Variants in TUT4 observed in about 807,000 individuals in gnomAD.
TUT4 encodes the protein terminal uridylyltransferase 4.
A neutral mutation model predicts 192.2 loss-of-function variants in TUT4; 36 were observed. The observed-to-expected ratio is 0.19, with a 90% CI of 0.14 to 0.25. The LOEUF (loss-of-function observed/expected upper bound fraction) is 0.25. Ranked by LOEUF, TUT4 falls within the 10% of genes least tolerant of loss-of-function variation. TUT4 has a pLI of 1.00. For synonymous variants in TUT4, 618 were observed against 666.0 expected (o/e 0.93, Z 1.11); for missense variants, 1,493 against 1,957.2 (o/e 0.76, Z 4.47).
At chr1:52,447,451 CAAAAAA>C (rs1253257001) in intron 20 of TUT4, among the ~76,000 whole-genome samples, 3 of 100,438 alleles carry the variant, frequency 3.0e-5, no homozygotes, top group African/African-American at 7.7e-5. Flanking sequence ...TCCATCTCAC[CAAAAAA>C]AAACAAAAAA....
intron 9 of TUT4, among the ~76,000 whole-genome samples, chr1:52,483,586 G>GA (rs1474177331): frequency 2.0e-5 from 3 of 152,052 alleles, no homozygotes; most frequent in Non-Finnish European, 4.4e-5. Flanking sequence ...AGAGTGGGTG[G>GA]ATGACTTAAG....
intron 24 of TUT4, among the ~76,000 whole-genome samples, chr1:52,442,899 T>C (rs1029317057): frequency 7.2e-5 from 11 of 152,204 alleles, no homozygotes; most frequent in Non-Finnish European, 2.9e-5. Context: ...AATTATAATA[T>C]ATTGCATTAT....
intron 20 of TUT4, among the ~76,000 whole-genome samples, chr1:52,455,445 T>C (rs1366038870): frequency 6.6e-6 from 1 of 151,204 alleles, no homozygotes; most frequent in Non-Finnish European, 1.5e-5. Flanking sequence ...CCATCTCTAC[T>C]AAATATATAA....
Position 52,449,966 on chromosome 1 carries a change from T to TA in TUT4, c.3436-3300dup, listed in dbSNP as rs1233210042. Reference sequence around the variant, plus strand: ...TTGCAAATTTTAAGCTGATATGGGTTAAAAAAATTTTTCATAAAATCATGT... The same window carrying TA: ...TTGCAAATTTTAAGCTGATATGGGTTAAAAAAAATTTTTCATAAAATCATGT... On this transcript the variant is annotated intron_variant, in intron 20 of 29. Coordinates refer to ENST00000257177, the MANE Select transcript of TUT4 (RefSeq NM_001009881.3). Among the ~76,000 whole-genome samples the TA allele has an allele frequency of 4.6e-5, 7 of 152,302 alleles. No homozygotes were observed. In the East Asian group the frequency reaches 7.7e-4, roughly 17 times the overall value.
rs748651187 is a variant in TUT4, at chr1:52,461,723, T to C, written c.3116A>G (p.Lys1039Arg). ...EIIENLAKIL[K>R]RHPGLRNILP... Reference sequence around the variant, plus strand: ...TTCAAAATTCATACCTGGATGTCTCTTAAGAATTTTTGCCAAATTTTCAAT... The same window carrying C: ...TTCAAAATTCATACCTGGATGTCTCCTAAGAATTTTTGCCAAATTTTCAAT... The change falls in exon 17 of 30, where the codon AAG (lysine) becomes AGG (arginine). Residue 1039 changes from lysine to arginine, a missense_variant. Physicochemically the swap from Lys to Arg is conservative, Grantham distance 26. Transcript: ENST00000257177. 4 of 1,502,618 alleles carry C rather than the reference T, an allele frequency of 2.7e-6. No individual in the cohort carries two copies. In the South Asian group the frequency reaches 4.9e-5, roughly 19 times the overall value. 93.1% of individuals were successfully genotyped at this position (1,502,618 alleles called of 1,614,324 possible).
intron 11 of TUT4, 30 bp downstream of exon 11, chr1:52,481,393 A>G: frequency 6.2e-7 from 1 of 1,605,906 alleles, no homozygotes. Context: ...ACAGATAGAA[A>G]AGCCAAAAAA....
intron 4 of TUT4, among the ~76,000 whole-genome samples, chr1:52,498,328 GC>G (rs568062596): frequency 8.8e-4 from 127 of 144,824 alleles, no homozygotes; most frequent in East Asian, 4.9e-3. Context: ...TGCAGGCTCC[GC>G]CCCCCCGGGG....
At chr1:52,457,456 G>A (rs373929446) in intron 20 of TUT4, among the ~76,000 whole-genome samples, 2 of 151,740 alleles carry the variant, frequency 1.3e-5, no homozygotes, top group Non-Finnish European at 2.9e-5. Context: ...GGATGGTCTC[G>A]ATCTCTTGAC....
chr1:52,468,149 A>C, intron 15 of TUT4, 32 bp downstream of exon 15: 1 of 1,519,620 alleles, frequency 6.6e-7, no homozygotes, highest in East Asian at 2.3e-5. Flanking sequence ...ACTACAGCAA[A>C]AACGCAATAA....
intron 11 of TUT4, among the ~76,000 whole-genome samples, chr1:52,480,653 A>C (rs1165397609): frequency 2.0e-5 from 3 of 152,214 alleles, no homozygotes; most frequent in Admixed American, 2.0e-4. Context: ...GCAATTTATG[A>C]GGGAATAATT....
chr1:52,427,012 A>G (rs1357857434), intron 28 of TUT4, among the ~76,000 whole-genome samples: 1 of 152,172 alleles, frequency 6.6e-6, no homozygotes, highest in African/African-American at 2.4e-5. Flanking sequence ...TATACAATGA[A>G]TAATATTAAG....
intron 26 of TUT4, among the ~76,000 whole-genome samples, chr1:52,435,877 G>A (rs1393338917): frequency 6.6e-6 from 1 of 151,890 alleles, no homozygotes; most frequent in Admixed American, 6.6e-5. Flanking sequence ...ACCACGCACT[G>A]CAGCCTGGGC....
intron 1 of TUT4, among the ~76,000 whole-genome samples, chr1:52,547,165 A>C (rs1688288246): frequency 6.7e-6 from 1 of 149,446 alleles, no homozygotes; most frequent in Non-Finnish European, 1.5e-5. Context: ...TCAAAAAAAA[A>C]AGTGGGGGCA....
intron 2 of TUT4, among the ~76,000 whole-genome samples, chr1:52,520,670 T>C (rs1679997423): frequency 1.3e-5 from 2 of 152,362 alleles, no homozygotes; most frequent in African/African-American, 2.4e-5. Context: ...TTTGCTCTAA[T>C]GTCACTTTCT....
chr1:52,493,489 T>A, intron 7 of TUT4, 122 bp downstream of exon 7: 2 of 643,216 alleles, frequency 3.1e-6, no homozygotes, highest in Non-Finnish European at 2.7e-6. Context: ...CCATTTGTAA[T>A]GCAATGACTC....
At chr1:52,460,126 G>C (rs1218926876) in intron 19 of TUT4, among the ~76,000 whole-genome samples, 5 of 152,180 alleles carry the variant, frequency 3.3e-5, no homozygotes, top group African/African-American at 1.2e-4. Context: ...ATCAAGTCTT[G>C]TATGTAGTAT....
intron 28 of TUT4, among the ~76,000 whole-genome samples, chr1:52,425,970 G>A (rs1424520253): frequency 6.6e-6 from 1 of 152,176 alleles, no homozygotes; most frequent in African/African-American, 2.4e-5. Flanking sequence ...GCAACATAGA[G>A]ACAGGAGTGA....
At chr1:52,493,528 G>T in intron 7 of TUT4, 83 bp downstream of exon 7, 1 of 956,564 alleles carries the variant, frequency 1.0e-6, no homozygotes, top group Non-Finnish European at 1.5e-6. Context: ...GTTTTAACTT[G>T]GTTAGCCATA....
At chr1:52,549,850 C>T (rs1442179633) in intron 1 of TUT4, among the ~76,000 whole-genome samples, 2 of 152,086 alleles carry the variant, frequency 1.3e-5, no homozygotes, top group African/African-American at 4.8e-5. Context: ...AAAACAGGCA[C>T]TCTAAAAAGT....
Sources: gnomAD v4.1 joint callset for allele counts (sites outside exome capture counted in the v4.1 genomes callset) on GRCh38, gnomAD v4.1.1 for gene constraint, MANE v1.5 for transcripts, NCBI Gene and HGNC (gene_info 2026-07-23, HGNC 2026-07-21) for gene names.